Variants in PRKN observed in about 807,000 individuals in gnomAD.
The protein encoded by PRKN is parkin RBR E3 ubiquitin protein ligase.
In PRKN, 56 loss-of-function variants were observed where a neutral mutation model predicts 59.5. The observed-to-expected ratio is 0.94, with a 90% CI of 0.76 to 1.18. The LOEUF (loss-of-function observed/expected upper bound fraction) is 1.18, where lower values mean the gene tolerates loss of function less well. PRKN is among the 50% of genes most tolerant of loss of function. The pLI, the probability that PRKN is intolerant of heterozygous loss-of-function variation, is 0.00. For missense variants in PRKN, 657 were observed against 596.4 expected, an observed-to-expected ratio of 1.10 and a Z score of -1.06; for synonymous variants, 250 against 222.1, an observed-to-expected ratio of 1.13 and a Z score of -1.12.
At chr6:162,117,313 A>G (rs1191744423) in intron 4 of PRKN, among the ~76,000 whole-genome samples, 3 of 152,226 alleles carry the variant, frequency 2.0e-5, no homozygotes, top group Non-Finnish European at 2.9e-5. Context: ...GAGATACCCA[A>G]GCAGTCTGAC....
intron 1 of PRKN, among the ~76,000 whole-genome samples, chr6:162,471,188 C>G (rs1238752975): frequency 6.6e-6 from 1 of 152,082 alleles, no homozygotes; most frequent in African/African-American, 2.4e-5. Flanking sequence ...ACATCCACCT[C>G]CCGGGTTCAA....
At chr6:161,598,904 G>A (rs1038094782) in intron 7 of PRKN, among the ~76,000 whole-genome samples, 9 of 152,184 alleles carry the variant, frequency 5.9e-5, no homozygotes, top group Middle Eastern at 3.2e-3. Context: ...AATCTTTGTA[G>A]AAGTAATCAA....
rs1308705302 is a variant in PRKN at position 162,302,038 on chromosome 6, CA to C, written c.172-39274del. ...TCTTTTCTCGTGTCCTTGCATTAAT[CA>C]ATGGTTTGATTTGGTTTGAACTACT... is the stretch of plus-strand genomic sequence containing the variant. On this transcript the variant is annotated intron_variant, in intron 2 of 11. Transcript: ENST00000366898. Among the ~76,000 whole-genome samples, 6 of 152,256 alleles carry C rather than the reference CA, an allele frequency of 3.9e-5. 1 individual carries two copies. In the South Asian group the frequency reaches 8.3e-4, roughly 21 times the overall value.
intron 9 of PRKN, among the ~76,000 whole-genome samples, chr6:161,394,578 T>G (rs920010203): frequency 7.9e-5 from 12 of 152,202 alleles, no homozygotes; most frequent in African/African-American, 2.9e-4. Context: ...TACACCAACA[T>G]CTATCATCAT....
intron 1 of PRKN, among the ~76,000 whole-genome samples, chr6:162,627,019 T>C (rs1782924490): frequency 6.6e-6 from 1 of 152,128 alleles, no homozygotes; most frequent in South Asian, 2.1e-4. Flanking sequence ...CTGGAGGGAA[T>C]CCAACATCAG....
rs1276410692 is a variant in PRKN, at chr6:161,943,945, CTGAGGGATCAGCCT to C, written c.734+29343_734+29356del. 9.3e-3 allele frequency among the ~76,000 whole-genome samples: 496 copies of C among 53,590 alleles called. 12 individuals carry two copies. The highest frequency in any genetic ancestry group is 0.036 in the African/African-American group (470 of 12,966). The allele number at this position is 53,590 out of a possible 152,430, so 35.2% of individuals were successfully genotyped here. On this transcript the variant is annotated intron_variant, in intron 6 of 11. Coordinates refer to ENST00000366898, the MANE Select transcript of PRKN (RefSeq NM_004562.3). ...TGAGGAAGCAGCCTGAGGAAGCAGC[CTGAGGGATCAGCCT>C]TGAGGAAGCAGCCTGAGGAAGCAGC... is the stretch of plus-strand genomic sequence containing the variant.
intron 6 of PRKN, among the ~76,000 whole-genome samples, chr6:161,862,441 G>C (rs1234388214): frequency 6.6e-6 from 1 of 152,122 alleles, no homozygotes; most frequent in East Asian, 1.9e-4. Context: ...CTCTGCATTG[G>C]CTGAGCTTAA....
intron 2 of PRKN, among the ~76,000 whole-genome samples, chr6:162,416,080 C>A (rs943910981): frequency 6.6e-6 from 1 of 152,116 alleles, no homozygotes. Context: ...ATTTGACCTC[C>A]AGTATCATGC....
chr6:161,846,305 A>G (rs779753158), intron 6 of PRKN, among the ~76,000 whole-genome samples: 7 of 152,204 alleles, frequency 4.6e-5, no homozygotes, highest in Non-Finnish European at 1.0e-4. Context: ...GTTACTATTA[A>G]TACTCAGAAT....
At chr6:162,469,512 ACACACACACACACACAC>A in intron 1 of PRKN, among the ~76,000 whole-genome samples, 2 of 102,460 alleles carry the variant, frequency 2.0e-5, no homozygotes, top group Non-Finnish European at 4.4e-5. Context: ...GTGTGTATAC[ACACACACACACACACAC>A]ATACACATAC....
chr6:162,403,216 C>T lies in PRKN; in HGVS notation c.171+40094G>A, dbSNP rs565121079. Among the ~76,000 whole-genome samples, 15 of 152,224 alleles carry T rather than the reference C, an allele frequency of 9.9e-5. No homozygotes were observed. In the South Asian group the frequency reaches 3.1e-3, roughly 32 times the overall value. On this transcript the variant is annotated intron_variant, in intron 2 of 11. Transcript: ENST00000366898. ...CTGGCGCCTTTCGTCACTTGTAGCT[C>T]GCCTCCAGCTCTCCTCACTCACTCT...
At chr6:162,162,570 T>C (rs958269840) in intron 4 of PRKN, among the ~76,000 whole-genome samples, 1 of 152,168 alleles carries the variant, frequency 6.6e-6, no homozygotes, top group African/African-American at 2.4e-5. Flanking sequence ...GAAAACTGTA[T>C]GGAAAAATTC....
At chr6:161,594,329 A>G (rs1781837707) in intron 7 of PRKN, among the ~76,000 whole-genome samples, 1 of 152,156 alleles carries the variant, frequency 6.6e-6, no homozygotes. Flanking sequence ...GCTCTGTCTT[A>G]TGAGAGAAAC....
In PRKN at chr6:161,369,877, G is replaced by T. The variant is rs1328199360; in HGVS notation, c.1168-9672C>A. ...AGAGAATCAAAATTCCCTCAGAAAGGTAAAGGCATGATCGTCCATCTGTGG... is the reference window on the plus strand; with the variant it reads ...AGAGAATCAAAATTCCCTCAGAAAGTTAAAGGCATGATCGTCCATCTGTGG... On this transcript the variant is annotated intron_variant, in intron 10 of 11. Transcript: ENST00000366898. This position sits in a 1 kb window ranked among gnomAD's most constrained non-coding sequence, Gnocchi z 5.8. 2.5e-5 allele frequency: 8 copies of T among 325,004 alleles called. No homozygotes were observed. In the East Asian group the frequency reaches 6.2e-4, roughly 25 times the overall value. The allele number at this position is 325,004 out of a possible 1,614,324, so 20.1% of individuals were successfully genotyped here. A position where few individuals can be genotyped will look rare whatever the true frequency, so the allele number is the denominator to read the frequency against.
intron 2 of PRKN, among the ~76,000 whole-genome samples, chr6:162,410,549 GT>G (rs1042448868): frequency 3.8e-4 from 58 of 152,280 alleles, no homozygotes; most frequent in African/African-American, 1.2e-3. Flanking sequence ...GCCTCCTTTT[GT>G]TTTTCTTTTC....
At chr6:161,743,481 C>T (rs538818724) in intron 7 of PRKN, among the ~76,000 whole-genome samples, 42 of 151,786 alleles carry the variant, frequency 2.8e-4, no homozygotes, top group Non-Finnish European at 2.1e-4. Flanking sequence ...GATCTCCTGA[C>T]CTTGTGATCC....
chr6:161,889,565 G>C (rs1795269870), intron 6 of PRKN, among the ~76,000 whole-genome samples: 1 of 152,210 alleles, frequency 6.6e-6, no homozygotes. Flanking sequence ...GGCCAGGTCA[G>C]GTGGTGCTGG....
chr6:162,373,558 T>C (rs1316426898), intron 2 of PRKN, among the ~76,000 whole-genome samples: 1 of 152,154 alleles, frequency 6.6e-6, no homozygotes, highest in African/African-American at 2.4e-5. Flanking sequence ...ACTGAGTGAA[T>C]TAGGAATTCT....
intron 9 of PRKN, among the ~76,000 whole-genome samples, chr6:161,490,918 C>T (rs572564489): frequency 2.0e-5 from 3 of 152,182 alleles, no homozygotes; most frequent in South Asian, 4.2e-4. Context: ...TCCCCCTGCT[C>T]CCGCCATATG....
Sources: gnomAD v4.1 joint callset for allele counts (sites outside exome capture counted in the v4.1 genomes callset) on GRCh38, gnomAD v4.1.1 for gene constraint, Gnocchi (gnomAD v3.1) non-coding constraint, MANE v1.5 for transcripts, NCBI Gene and HGNC (gene_info 2026-07-23, HGNC 2026-07-21) for gene names.